Variants in LDB2 observed in about 807,000 individuals in gnomAD.
LDB2 encodes LIM domain binding 2, also known as LIM domain-binding protein 2.
LDB2 carries 12 observed loss-of-function variants against 44.3 expected under a neutral mutation model. That is an observed-to-expected ratio of 0.27 (90% CI 0.17 to 0.44). The LOEUF (loss-of-function observed/expected upper bound fraction) is 0.44, where lower values mean the gene tolerates loss of function less well. LDB2 is among the 20% of genes least tolerant of loss of function. The pLI is 1.00. For synonymous variants in LDB2, 164 were observed against 174.8 expected (o/e 0.94, Z 0.49); for missense variants, 344 against 473.5 (o/e 0.73, Z 2.54).
At chr4:16,561,594 C>T (rs1203004592) in intron 5 of LDB2, among the ~76,000 whole-genome samples, 1 of 152,156 alleles carries the variant, frequency 6.6e-6, no homozygotes, top group East Asian at 1.9e-4. Flanking sequence ...GAAGAACATT[C>T]CATGCTCATG....
At chr4:16,526,772 G>A (rs1481207540) in intron 5 of LDB2, among the ~76,000 whole-genome samples, 2 of 152,224 alleles carry the variant, frequency 1.3e-5, no homozygotes, top group Admixed American at 1.3e-4. Context: ...CTCCCTGAGA[G>A]CCTCCAGAGA....
At chr4:16,786,628 A>G (rs1164899360) in intron 1 of LDB2, among the ~76,000 whole-genome samples, 2 of 152,182 alleles carry the variant, frequency 1.3e-5, no homozygotes, top group Non-Finnish European at 2.9e-5. Context: ...AGTATATTCT[A>G]AGAGTCACAT....
intron 2 of LDB2, among the ~76,000 whole-genome samples, chr4:16,681,817 C>T (rs948354555): frequency 2.0e-5 from 3 of 151,692 alleles, no homozygotes; most frequent in East Asian, 1.9e-4. Context: ...GTGATCTGCC[C>T]GCCTTGGCCT....
At chr4:16,647,522 G>T (rs1203527569) in intron 2 of LDB2, among the ~76,000 whole-genome samples, 1 of 151,950 alleles carries the variant, frequency 6.6e-6, no homozygotes. Flanking sequence ...ATAATATGCA[G>T]CCCCTAGTGA....
In LDB2 at chr4:16,666,612, T is replaced by C. The variant is rs190168275; in HGVS notation, c.236-70737A>G. Among the ~76,000 whole-genome samples, 7 of 152,344 alleles carry C rather than the reference T, an allele frequency of 4.6e-5. No homozygotes were observed. In the East Asian group the frequency reaches 1.4e-3, roughly 29 times the overall value. On this transcript the variant is annotated intron_variant, in intron 2 of 7. Transcript: ENST00000304523. ...CAGGCTTCTACTGCATGGATGTCCA[T>C]AGAAGCTTGGGTTTTATGCTGTTTG...
At chr4:16,887,436 G>A (rs1388409547) in intron 1 of LDB2, among the ~76,000 whole-genome samples, 1 of 152,010 alleles carries the variant, frequency 6.6e-6, no homozygotes, top group Non-Finnish European at 1.5e-5. Flanking sequence ...CCTTTCAAAG[G>A]GCAGGTAATA....
chr4:16,563,748 G>A lies in LDB2; in HGVS notation c.615+22174C>T, dbSNP rs149538799. On this transcript the variant is annotated intron_variant, in intron 5 of 7. Transcript: ENST00000304523. The stretch of plus-strand genomic sequence containing the variant: ...GCTGGGATTACAGGCATGAGCCACC[G>A]TGCCCAGTCTCATCAGATATTCTAA... Among the ~76,000 whole-genome samples the A allele has an allele frequency of 7.1e-3, 1,078 of 151,736 alleles. 15 individuals carry two copies. The highest frequency in any genetic ancestry group is 0.06 in the South Asian group (287 of 4,794).
At chr4:16,622,257 A>G (rs972265357) in intron 2 of LDB2, among the ~76,000 whole-genome samples, 8 of 152,256 alleles carry the variant, frequency 5.3e-5, no homozygotes, top group Non-Finnish European at 1.2e-4. Flanking sequence ...TACAGATTAG[A>G]TGATATATTT....
At chr4:16,614,580 CAAA>C (rs1164613202) in intron 2 of LDB2, among the ~76,000 whole-genome samples, 1 of 53,834 alleles carries the variant, frequency 1.9e-5, no homozygotes, top group Non-Finnish European at 3.8e-5. Context: ...CAAGAAAAAA[CAAA>C]AAAAAAAAAA....
chr4:16,888,708 G>A (rs1182377684), intron 1 of LDB2: 8 of 984,562 alleles, frequency 8.1e-6, no homozygotes, highest in Admixed American at 6.1e-5. Flanking sequence ...CAGAATAAGT[G>A]TATCGTCGTC....
chr4:16,723,434 AT>A (rs559831964), intron 2 of LDB2, among the ~76,000 whole-genome samples: 77 of 152,298 alleles, frequency 5.1e-4, no homozygotes, highest in Non-Finnish European at 1.0e-3. Context: ...TGATAACAGC[AT>A]TAATCCATTG....
intron 1 of LDB2, among the ~76,000 whole-genome samples, chr4:16,849,550 A>G (rs1404655592): frequency 6.6e-6 from 1 of 152,204 alleles, no homozygotes; most frequent in Non-Finnish European, 1.5e-5. Context: ...CTGGTGGCTC[A>G]CTGAGGAGCC....
chr4:16,566,165 C>T (rs1320333696), intron 5 of LDB2, among the ~76,000 whole-genome samples: 1 of 151,808 alleles, frequency 6.6e-6, no homozygotes, highest in African/African-American at 2.4e-5. Flanking sequence ...AATTTATGTT[C>T]AAATTAGATA....
At chr4:16,643,158 T>C (rs1188080310) in intron 2 of LDB2, among the ~76,000 whole-genome samples, 1 of 127,864 alleles carries the variant, frequency 7.8e-6, no homozygotes, top group Non-Finnish European at 1.5e-5. Flanking sequence ...CTCTAACAGA[T>C]AGGGATAAAA....
In LDB2 at chr4:16,811,678, C is replaced by T. The variant is rs182018128; in HGVS notation, c.133-52418G>A. ...ATTTAGTAGAATAACTATTTTGTTCCTATTACAATACAGACACACGTGTCA... is the reference window on the plus strand; with the variant it reads ...ATTTAGTAGAATAACTATTTTGTTCTTATTACAATACAGACACACGTGTCA... On this transcript the variant is annotated intron_variant, in intron 1 of 7. Transcript: ENST00000304523. Among the ~76,000 whole-genome samples the T allele has an allele frequency of 5.3e-5, 8 of 152,302 alleles. No homozygotes were observed. In the East Asian group the frequency reaches 1.5e-3, roughly 29 times the overall value.
intron 2 of LDB2, among the ~76,000 whole-genome samples, chr4:16,618,914 C>T (rs561251670): frequency 3.9e-5 from 6 of 152,224 alleles, no homozygotes; most frequent in African/African-American, 9.6e-5. Context: ...TCAGTTCTCA[C>T]GAGAGATCTG....
At chr4:16,507,409 T>TG (rs1195792203) in intron 7 of LDB2, among the ~76,000 whole-genome samples, 6 of 151,628 alleles carry the variant, frequency 4.0e-5, no homozygotes, top group African/African-American at 1.5e-4. Flanking sequence ...TACAAGTAGG[T>TG]GGGGGCAGAT....
intron 2 of LDB2, among the ~76,000 whole-genome samples, chr4:16,692,547 G>C (rs928447541): frequency 6.6e-6 from 1 of 151,750 alleles, no homozygotes; most frequent in African/African-American, 2.4e-5. Context: ...TCTTTTCTGT[G>C]GAAAGAAAAA....
chr4:16,828,589 TG>T (rs1783487554), intron 1 of LDB2, among the ~76,000 whole-genome samples: 1 of 152,200 alleles, frequency 6.6e-6, no homozygotes, highest in African/African-American at 2.4e-5. Flanking sequence ...TGTAAGTTTT[TG>T]TTGTATCTCT....
Sources: allele counts gnomAD v4.1 joint callset (sites outside exome capture counted in the v4.1 genomes callset), GRCh38; gene constraint gnomAD v4.1.1; transcripts MANE v1.5; gene names NCBI Gene and HGNC (gene_info 2026-07-23, HGNC 2026-07-21).